The following CRPPA variants were observed in gnomAD, a reference collection of about 807,000 sequenced individuals.
The protein encoded by CRPPA is D-ribitol-5-phosphate cytidylyltransferase.
A neutral mutation model predicts 52.0 loss-of-function variants in CRPPA; 43 were observed. That is an observed-to-expected ratio of 0.83 (90% confidence interval 0.65 to 1.07). The LOEUF (loss-of-function observed/expected upper bound fraction) is 1.07, where lower values mean the gene tolerates loss of function less well. Ranked by LOEUF, CRPPA falls within the 50% of genes least tolerant of loss-of-function variation. The pLI, the probability that CRPPA is intolerant of heterozygous loss-of-function variation, is 0.00. For missense variants in CRPPA, 629 were observed against 551.7 expected, an observed-to-expected ratio of 1.14 and a Z score of -1.40; for synonymous variants, 250 against 203.5, an observed-to-expected ratio of 1.23 and a Z score of -1.94.
chr7:16,253,301 G>T (rs111904830), intron 8 of CRPPA, among the ~76,000 whole-genome samples: 1 of 151,920 alleles, frequency 6.6e-6, no homozygotes, highest in Non-Finnish European at 1.5e-5. Flanking sequence ...TCTGGCATGC[G>T]GTGTCTTTGT....
At chr7:16,413,716 T>A (rs1788123050) in intron 1 of CRPPA, among the ~76,000 whole-genome samples, 1 of 152,244 alleles carries the variant, frequency 6.6e-6, no homozygotes, top group Non-Finnish European at 1.5e-5. Context: ...ACAAATCGAA[T>A]AAATGGACAA....
chr7:16,172,609 G>A (rs187943960), intron 9 of CRPPA, among the ~76,000 whole-genome samples: 16 of 152,244 alleles, frequency 1.1e-4, no homozygotes, highest in East Asian at 5.8e-4. Flanking sequence ...CTTAGTGGGC[G>A]TGCTTTTCAT....
chr7:16,394,278 A>G (rs1209663908), intron 2 of CRPPA, among the ~76,000 whole-genome samples: 1 of 152,212 alleles, frequency 6.6e-6, no homozygotes, highest in Non-Finnish European at 1.5e-5. Flanking sequence ...TATATACAGT[A>G]GTGATTACGA....
intron 5 of CRPPA, among the ~76,000 whole-genome samples, chr7:16,286,064 T>TTTAAAAAAAA (rs1562608509): frequency 4.0e-4 from 12 of 29,768 alleles, no homozygotes; most frequent in African/African-American, 8.3e-4. Flanking sequence ...TATATATATA[T>TTTAAAAAAAA]ATATATATAT....
chr7:16,305,930 C>T (rs1280833578), intron 4 of CRPPA, among the ~76,000 whole-genome samples: 1 of 152,162 alleles, frequency 6.6e-6, no homozygotes, highest in Admixed American at 6.5e-5. Context: ...GGAGACTAGA[C>T]ATCCGAAATC....
Position 16,280,013 on chromosome 7 carries a change from G to A in CRPPA, c.836-1787C>T, listed in dbSNP as rs144404536. Among the ~76,000 whole-genome samples the A allele has an allele frequency of 3.3e-5, 5 of 152,320 alleles. No homozygotes were observed. In the East Asian group the frequency reaches 9.7e-4, roughly 29 times the overall value. ...CTGCTTATGCAGGGAAGAGAAGAGAGCTTGTGCAGGGAAACTCCTCTTTTT... is the reference window on the plus strand; with the variant it reads ...CTGCTTATGCAGGGAAGAGAAGAGAACTTGTGCAGGGAAACTCCTCTTTTT... On this transcript the variant is annotated intron_variant, in intron 5 of 9. Coordinates refer to ENST00000407010, the MANE Select transcript of CRPPA (RefSeq NM_001101426.4).
At chr7:16,240,013 C>T (rs1783062763) in intron 8 of CRPPA, among the ~76,000 whole-genome samples, 1 of 151,884 alleles carries the variant, frequency 6.6e-6, no homozygotes, top group South Asian at 2.1e-4. Context: ...CATTTCTTTA[C>T]ACATCAGTTA....
Position 16,383,410 on chromosome 7 carries a change from G to A in CRPPA, c.535-7169C>T, listed in dbSNP as rs189726448. Among the ~76,000 whole-genome samples, 1,497 of 152,322 alleles carry A rather than the reference G, an allele frequency of 9.8e-3. 26 individuals carry two copies. The highest frequency in any genetic ancestry group is 0.034 in the African/African-American group (1,421 of 41,564). Reference sequence around the variant, plus strand: ...GGTGTCAGACTGCCCCTACTGGGGGGTGCCTCCCAGTTAGGCTGCTTGGGG... The same window carrying A: ...GGTGTCAGACTGCCCCTACTGGGGGATGCCTCCCAGTTAGGCTGCTTGGGG... On this transcript the variant is annotated intron_variant, in intron 2 of 9. Transcript: ENST00000407010.
At chr7:16,413,321 T>C (rs1429678773) in intron 1 of CRPPA, among the ~76,000 whole-genome samples, 2 of 152,190 alleles carry the variant, frequency 1.3e-5, no homozygotes, top group African/African-American at 2.4e-5. Flanking sequence ...ATTTTGAAGG[T>C]GTTCCATGCG....
intron 9 of CRPPA, among the ~76,000 whole-genome samples, chr7:16,153,648 T>C (rs1337023568): frequency 6.6e-6 from 1 of 152,142 alleles, no homozygotes; most frequent in Non-Finnish European, 1.5e-5. Context: ...TTTTTCAATA[T>C]ATCACATGAA....
intron 1 of CRPPA, among the ~76,000 whole-genome samples, chr7:16,419,758 C>A (rs1788282470): frequency 6.6e-6 from 1 of 152,058 alleles, no homozygotes; most frequent in Non-Finnish European, 1.5e-5. Flanking sequence ...GATTCCATCT[C>A]CAAACTCATC....
intron 9 of CRPPA, among the ~76,000 whole-genome samples, chr7:16,156,992 GT>G (rs1343618390): frequency 6.6e-6 from 1 of 152,058 alleles, no homozygotes; most frequent in Admixed American, 6.6e-5. Context: ...CAATAACATA[GT>G]TTTTTTGTTA....
At chr7:16,371,136 C>T (rs1428861536) in intron 3 of CRPPA, among the ~76,000 whole-genome samples, 1 of 151,982 alleles carries the variant, frequency 6.6e-6, no homozygotes, top group Non-Finnish European at 1.5e-5. Context: ...TGAGAGCTCC[C>T]CCAGCCACCT....
chr7:16,326,165 G>A (rs1242056286), intron 3 of CRPPA, among the ~76,000 whole-genome samples: 1 of 151,662 alleles, frequency 6.6e-6, no homozygotes, highest in Non-Finnish European at 1.5e-5. Context: ...TCCCTCCCTG[G>A]ATAATAAATA....
At position 16,326,228 on chromosome 7, in the gene CRPPA, T is replaced by C. The variant is rs1384975695; in HGVS notation, c.685-17601A>G. Among the ~76,000 whole-genome samples the C allele has an allele frequency of 8.5e-5, 13 of 152,114 alleles. 1 individual carries two copies. The highest frequency in any genetic ancestry group is 8.5e-4 in the Admixed American group (13 of 15,278). On this transcript the variant is annotated intron_variant, in intron 3 of 9. Coordinates refer to ENST00000407010, the MANE Select transcript of CRPPA (RefSeq NM_001101426.4). ...GGTATTTAATGTAAGCAAAAGCATA[T>C]TCTCTCCCAAAGGATTATCATGATA...
intron 5 of CRPPA, among the ~76,000 whole-genome samples, chr7:16,294,747 T>C (rs1209884078): frequency 6.6e-6 from 1 of 152,000 alleles, no homozygotes; most frequent in Non-Finnish European, 1.5e-5. Flanking sequence ...TCACTTTGCA[T>C]TGTCCAAAAC....
Position 16,375,986 on chromosome 7 carries a change from T to C in CRPPA, c.684+106A>G, listed in dbSNP as rs1283426224. ...CATTGTAATAAGTCTTAGCCTTGAGTATAACTATACGCTCAGTCCCATCAG... is the reference window on the plus strand; with the variant it reads ...CATTGTAATAAGTCTTAGCCTTGAGCATAACTATACGCTCAGTCCCATCAG... On this transcript the variant is annotated intron_variant, in intron 3 of 9. Coordinates refer to ENST00000407010, the MANE Select transcript of CRPPA (RefSeq NM_001101426.4). The C allele has an allele frequency of 6.5e-6, 7 of 1,080,802 alleles. No homozygotes were observed. In the East Asian group the frequency reaches 1.8e-4, roughly 28 times the overall value. 67.0% of individuals were successfully genotyped at this position (1,080,802 alleles called of 1,614,324 possible). A position where few individuals can be genotyped will look rare whatever the true frequency, so the allele number is the denominator to read the frequency against.
At chr7:16,396,988 C>A (rs1323198871) in intron 2 of CRPPA, among the ~76,000 whole-genome samples, 4 of 152,176 alleles carry the variant, frequency 2.6e-5, no homozygotes, top group Non-Finnish European at 2.9e-5. Context: ...ACATGTGTGA[C>A]ATGACTGACA....
chr7:16,237,340 C>T (rs1427565989), intron 8 of CRPPA: 1 of 152,106 alleles, frequency 6.6e-6, no homozygotes, highest in East Asian at 1.9e-4. Flanking sequence ...GATCAGATTG[C>T]CAGCATCATC....
Sources: gnomAD v4.1 joint callset for allele counts (sites outside exome capture counted in the v4.1 genomes callset) on GRCh38, gnomAD v4.1.1 for gene constraint, MANE v1.5 for transcripts, NCBI Gene and HGNC (gene_info 2026-07-23, HGNC 2026-07-21) for gene names.